The following CAST variants were observed in gnomAD, a reference collection of about 807,000 sequenced individuals.
The protein encoded by CAST is MIR583 host.
In CAST, 76 loss-of-function variants were observed where a neutral mutation model predicts 119.6. The observed-to-expected ratio is 0.64, with a 90% CI of 0.53 to 0.77. The LOEUF (loss-of-function observed/expected upper bound fraction) is 0.77. Among genes scored for constraint, CAST ranks in the 30% least tolerant of loss-of-function variants. The pLI is 0.00. For missense variants in CAST, 953 were observed against 946.5 expected (o/e 1.01, Z -0.09); for synonymous variants, 319 against 331.6 (o/e 0.96, Z 0.41).
At chr5:96,403,721 G>T in the CAST span, among the ~76,000 whole-genome samples, 3 of 152,194 alleles carry the variant, frequency 2.0e-5, no homozygotes, top group Non-Finnish European at 4.4e-5. Flanking sequence ...AGAGTGAAAA[G>T]TCTTAGGAGC....
At chr5:95,971,693 T>A in the CAST span, among the ~76,000 whole-genome samples, 4 of 152,262 alleles carry the variant, frequency 2.6e-5, no homozygotes, top group Admixed American at 6.5e-5. Flanking sequence ...GTCATACACA[T>A]GGAATCATAC....
At chr5:96,476,571 A>G in the CAST span, among the ~76,000 whole-genome samples, 106 of 152,308 alleles carry the variant, frequency 7.0e-4, no homozygotes, top group Non-Finnish European at 1.2e-3. Flanking sequence ...TTTTACACCC[A>G]AACACATGAA....
At chr5:96,415,220 G>A in the CAST span, among the ~76,000 whole-genome samples, 4 of 152,060 alleles carry the variant, frequency 2.6e-5, no homozygotes, top group Middle Eastern at 3.2e-3. Flanking sequence ...CTTCCCATTG[G>A]GTTCAGCCAA....
the CAST span, among the ~76,000 whole-genome samples, chr5:96,125,072 G>A: frequency 4.6e-5 from 7 of 152,162 alleles, no homozygotes; most frequent in Admixed American, 6.6e-5. Context: ...TAACCCACAA[G>A]AACAGTTTAT....
the CAST span, among the ~76,000 whole-genome samples, chr5:96,451,103 T>C: frequency 6.6e-6 from 1 of 152,024 alleles, no homozygotes; most frequent in Non-Finnish European, 1.5e-5. Flanking sequence ...TAATTGCACC[T>C]ACCATTTGCT....
intron 22 of CAST, among the ~76,000 whole-genome samples, chr5:96,755,901 C>T (rs1402756722): frequency 6.6e-6 from 1 of 152,170 alleles, no homozygotes; most frequent in Non-Finnish European, 1.5e-5. Flanking sequence ...ACTGAGTGCC[C>T]ATTCAGTAGA....
At chr5:95,998,516 ACTTT>A in the CAST span, among the ~76,000 whole-genome samples, 937 of 152,126 alleles carry the variant, frequency 6.2e-3, 7 homozygotes, top group Non-Finnish European at 7.8e-3. Flanking sequence ...GCAGTATTTG[ACTTT>A]CTGTTTCTGA....
chr5:96,662,313 G>A, upstream of CAST: 1 of 1,041,350 alleles, frequency 9.6e-7, no homozygotes, highest in Non-Finnish European at 1.2e-6. Context: ...CCGCTCCCGG[G>A]CCCTCCGCTC....
chr5:96,085,164 G>C, the CAST span, among the ~76,000 whole-genome samples: 1 of 152,012 alleles, frequency 6.6e-6, no homozygotes, highest in Admixed American at 6.6e-5. Flanking sequence ...AAACACCATA[G>C]ATTTTTATCA....
chr5:95,970,872 T>C, the CAST span, among the ~76,000 whole-genome samples: 1 of 152,220 alleles, frequency 6.6e-6, no homozygotes, highest in Non-Finnish European at 1.5e-5. Context: ...ATTGTGACTT[T>C]TCTCTCCAAT....
At chr5:96,571,972 T>A (rs1489116364) in intron 1 of CAST, among the ~76,000 whole-genome samples, 2 of 152,186 alleles carry the variant, frequency 1.3e-5, no homozygotes, top group Non-Finnish European at 2.9e-5. Context: ...ATGAAATTAA[T>A]AGAATGAATG....
chr5:96,691,269 T>C (rs1752695135), intron 2 of CAST, among the ~76,000 whole-genome samples: 1 of 152,192 alleles, frequency 6.6e-6, no homozygotes, highest in African/African-American at 2.4e-5. Context: ...ATAGATTTCT[T>C]ATTATATCAC....
chr5:96,661,214 C>T (rs756252683), upstream of CAST, among the ~76,000 whole-genome samples: 1 of 139,924 alleles, frequency 7.1e-6, no homozygotes, highest in Admixed American at 7.6e-5. Context: ...AGGTGTTGTT[C>T]GAGACCAGTC....
intron 17 of CAST, 84 bp downstream of exon 17, chr5:96,746,509 A>G: frequency 6.0e-6 from 5 of 838,374 alleles, no homozygotes; most frequent in Non-Finnish European, 1.1e-5. Context: ...ACATTGTCAA[A>G]GGACATGTCT....
At chr5:96,141,967 T>C in the CAST span, among the ~76,000 whole-genome samples, 2 of 152,244 alleles carry the variant, frequency 1.3e-5, no homozygotes, top group African/African-American at 4.8e-5. Flanking sequence ...TTTGAGGAGT[T>C]AAATGTTTGT....
rs546187603 is a variant in CAST, at chr5:96,532,405, C to T, written c.60+2525C>T. On this transcript the variant is annotated intron_variant, in intron 1 of 11. Transcript: ENST00000505143. ...CACAATCAGGGTGTAAAGGAAACAA[C>T]TTACAAAGAATCAAGAATCACCTCT... Among the ~76,000 whole-genome samples the T allele has an allele frequency of 1.1e-4, 16 of 152,212 alleles. 2 individuals are homozygous for T. Among genetic ancestry groups the T allele is most frequent in the African/African-American group, 3.9e-4 (16 of 41,534 alleles).
chr5:96,425,543 A>G, the CAST span, among the ~76,000 whole-genome samples: 1 of 152,344 alleles, frequency 6.6e-6, no homozygotes, highest in Non-Finnish European at 1.5e-5. Flanking sequence ...AACCTGCAAG[A>G]TATTATTTTT....
the CAST span, among the ~76,000 whole-genome samples, chr5:96,251,699 T>A: frequency 3.0e-4 from 45 of 152,174 alleles, no homozygotes; most frequent in Non-Finnish European, 5.6e-4. Flanking sequence ...CAAGTATAGT[T>A]GATAGCCAGA....
the CAST span, among the ~76,000 whole-genome samples, chr5:96,377,320 C>A: frequency 2.0e-5 from 3 of 152,084 alleles, no homozygotes; most frequent in East Asian, 5.8e-4. Flanking sequence ...CAGTAGTGTA[C>A]AGTAATGTCT....
Sources: allele counts gnomAD v4.1 joint callset (sites outside exome capture counted in the v4.1 genomes callset), GRCh38; gene constraint gnomAD v4.1.1; transcripts MANE v1.5; gene names NCBI Gene and HGNC (gene_info 2026-07-23, HGNC 2026-07-21).